The following CELF2 variants were observed in gnomAD, a reference collection of about 807,000 sequenced individuals.
CELF2 encodes the protein CUGBP Elav-like family member 2.
In CELF2, 8 loss-of-function variants were observed where a neutral mutation model predicts 62.6. The observed-to-expected ratio is 0.13, with a 90% CI of 0.07 to 0.23. The LOEUF is 0.23. Ranked by LOEUF, CELF2 falls within the 10% of genes least tolerant of loss-of-function variation. The pLI, the probability that CELF2 is intolerant of heterozygous loss-of-function variation, is 1.00. For synonymous variants in CELF2, 258 were observed against 250.0 expected (o/e 1.03, Z -0.30); for missense variants, 333 against 671.0 (o/e 0.50, Z 5.56).
chr10:11,090,989 A>G (rs993456656), intron 1 of CELF2, among the ~76,000 whole-genome samples: 2 of 152,244 alleles, frequency 1.3e-5, no homozygotes, highest in East Asian at 3.8e-4. Flanking sequence ...ATTGTATTGA[A>G]TATCATTCTT....
rs1020106778 is a variant in CELF2 at position 10,989,554 on chromosome 10, G to C, written c.89+69555G>C. Among the ~76,000 whole-genome samples the C allele has an allele frequency of 5.9e-5, 9 of 151,836 alleles. No individual in the cohort carries two copies. The South Asian group carries it at 1.9e-3, about 32-fold the overall frequency. ...CTTACACCATGAACCAAAATACATCGTGAATGGATCAAATAGTAAAAAAGG... is the reference window on the plus strand; with the variant it reads ...CTTACACCATGAACCAAAATACATCCTGAATGGATCAAATAGTAAAAAAGG... On this transcript the variant is annotated intron_variant, in intron 2 of 13. Transcript: ENST00000636488.
intron 2 of CELF2, among the ~76,000 whole-genome samples, chr10:10,970,381 T>A (rs910196248): frequency 1.4e-4 from 22 of 152,184 alleles, no homozygotes; most frequent in Non-Finnish European, 2.4e-4. Flanking sequence ...TGATTTTTTT[T>A]AATATGATTG....
upstream of CELF2, among the ~76,000 whole-genome samples, chr10:10,797,081 T>C (rs561458213): frequency 1.1e-4 from 17 of 152,310 alleles, no homozygotes; most frequent in South Asian, 3.5e-3. Flanking sequence ...GAAAGGGATT[T>C]ACAATGCTGG....
At chr10:11,276,282 G>T (rs1013270194) in intron 8 of CELF2, among the ~76,000 whole-genome samples, 15 of 152,130 alleles carry the variant, frequency 9.9e-5, no homozygotes, top group African/African-American at 3.6e-4. Flanking sequence ...GTCTTCCTTG[G>T]CCTGTAGTAA....
chr10:11,104,118 A>G (rs1464910098), intron 1 of CELF2, among the ~76,000 whole-genome samples: 1 of 152,188 alleles, frequency 6.6e-6, no homozygotes, highest in Non-Finnish European at 1.5e-5. Flanking sequence ...TTCCTATTAA[A>G]CCATGTTTAA....
intron 9 of CELF2, among the ~76,000 whole-genome samples, chr10:11,298,289 TGTG>T (rs1018357805): frequency 5.3e-5 from 8 of 152,194 alleles, no homozygotes; most frequent in African/African-American, 1.9e-4. Context: ...ACCCTGGCCT[TGTG>T]GTGCCATCTC....
chr10:10,917,725 G>A (rs901049212), intron 1 of CELF2, among the ~76,000 whole-genome samples: 1 of 152,190 alleles, frequency 6.6e-6, no homozygotes, highest in African/African-American at 2.4e-5. Context: ...AGCTACAGTG[G>A]GGCTGGTGGG....
At chr10:11,162,406 G>A (rs1422608145) in intron 1 of CELF2, among the ~76,000 whole-genome samples, 2 of 152,210 alleles carry the variant, frequency 1.3e-5, no homozygotes, top group Admixed American at 6.5e-5. Context: ...ACTTAAGGAA[G>A]GGATTGTCCT....
At chr10:11,142,975 C>A (rs537545222) in intron 1 of CELF2, among the ~76,000 whole-genome samples, 15 of 151,228 alleles carry the variant, frequency 9.9e-5, no homozygotes, top group Non-Finnish European at 1.8e-4. Context: ...GGAACTCACT[C>A]CCCTCGTGAT....
At chr10:10,528,646 G>A in the CELF2 span, among the ~76,000 whole-genome samples, 1 of 152,130 alleles carries the variant, frequency 6.6e-6, no homozygotes, top group East Asian at 1.9e-4. Flanking sequence ...TTACTGAGTG[G>A]TGATCTTTTC....
chr10:11,190,775 TAA>T (rs11301213), intron 2 of CELF2, among the ~76,000 whole-genome samples: 3,186 of 53,936 alleles, frequency 0.059, 72 homozygotes, highest in East Asian at 0.069. Context: ...CTCTTTTCTT[TAA>T]AAAAAAAAAA....
At chr10:10,672,605 T>C in the CELF2 span, among the ~76,000 whole-genome samples, 1 of 152,086 alleles carries the variant, frequency 6.6e-6, no homozygotes, top group Non-Finnish European at 1.5e-5. Context: ...TCAGTTGCTA[T>C]GTTTATGTAG....
At chr10:10,500,799 T>C in the CELF2 span, among the ~76,000 whole-genome samples, 1 of 152,222 alleles carries the variant, frequency 6.6e-6, no homozygotes, top group East Asian at 1.9e-4. Flanking sequence ...TGCCTCCTGC[T>C]CCTGCCTGCT....
chr10:11,093,871 T>C (rs12570898), intron 1 of CELF2, among the ~76,000 whole-genome samples: 27,824 of 152,168 alleles, frequency 0.18, 3,959 homozygotes, highest in East Asian at 0.73. Flanking sequence ...TGGCTTCAGA[T>C]TGTATCTCTA....
In CELF2 at chr10:11,319,308, TC is replaced by T. The variant is rs1247491017; in HGVS notation, c.1097-1879del. ...CACCTATCTCAAAAAACACGGAAGT[TC>T]CTTTGCATCACACAAATAGTGGGAG... On this transcript the variant is annotated intron_variant, in intron 10 of 12. Coordinates refer to ENST00000633077, the MANE Select transcript of CELF2 (RefSeq NM_001326342.2). This position sits in a 1 kb window ranked among gnomAD's most constrained non-coding sequence, Gnocchi z 4.4. The T allele has an allele frequency of 2.8e-6, 1 of 354,942 alleles. No homozygotes were observed. Among genetic ancestry groups the T allele is most frequent in the African/African-American group, 2.1e-5 (1 of 46,634 alleles). The allele number at this position is 354,942 out of a possible 1,614,324, so 22.0% of individuals were successfully genotyped here. A position where few individuals can be genotyped will look rare whatever the true frequency, so the allele number is the denominator to read the frequency against.
At chr10:10,580,913 G>T in the CELF2 span, among the ~76,000 whole-genome samples, 2 of 152,168 alleles carry the variant, frequency 1.3e-5, no homozygotes, top group Non-Finnish European at 2.9e-5. Context: ...TGAAAATATA[G>T]TGTGAGTGGT....
chr10:10,964,094 A>G (rs1458367140), intron 2 of CELF2, among the ~76,000 whole-genome samples: 1 of 152,234 alleles, frequency 6.6e-6, no homozygotes, highest in Non-Finnish European at 1.5e-5. Flanking sequence ...ATGGTCAATT[A>G]AAAAGGAAGA....
chr10:10,495,562 C>G, the CELF2 span, among the ~76,000 whole-genome samples: 1 of 152,186 alleles, frequency 6.6e-6, no homozygotes, highest in African/African-American at 2.4e-5. Context: ...TCTACCTGAA[C>G]AGCCACAGGG....
chr10:10,642,812 G>A, the CELF2 span, among the ~76,000 whole-genome samples: 2 of 152,236 alleles, frequency 1.3e-5, no homozygotes, highest in African/African-American at 4.8e-5. Context: ...GGGTGCAGGT[G>A]GAGCCCTGCC....
Sources: allele counts gnomAD v4.1 joint callset (sites outside exome capture counted in the v4.1 genomes callset), GRCh38; gene constraint gnomAD v4.1.1; non-coding constraint Gnocchi (gnomAD v3.1); transcripts MANE v1.5; gene names NCBI Gene and HGNC (gene_info 2026-07-23, HGNC 2026-07-21).